The following EP400 variants were observed in gnomAD, a reference collection of about 807,000 sequenced individuals.
EP400 encodes E1A binding protein p400, also known as E1A-binding protein p400.
A neutral mutation model predicts 354.1 loss-of-function variants in EP400; 105 were observed. The observed-to-expected ratio is 0.30, with a 90% CI of 0.25 to 0.35. EP400 has a LOEUF of 0.35. Among genes scored for constraint, EP400 ranks in the 10% least tolerant of loss-of-function variants. The probability of loss-of-function intolerance (pLI) is 1.00; values close to 1 mark genes in which losing one functional copy is unlikely to be tolerated. For missense variants in EP400, 3,280 were observed against 4,121.0 expected, an observed-to-expected ratio of 0.80 and a Z score of 5.59; for synonymous variants, 1,646 against 1,716.9, an observed-to-expected ratio of 0.96 and a Z score of 1.02.
chr12:132,013,585 C>G lies in EP400; in HGVS notation c.3707C>G (p.Pro1236Arg). The change falls in exon 18 of 53, where the codon CCC becomes CGC. Residue 1236 changes from proline to arginine, a missense_variant. Physicochemically the swap from Pro to Arg is moderately radical, Grantham distance 103. This residue lies in a region of EP400 where 242 missense variants were observed against 357.9 expected (regional missense o/e 0.68). Transcript: ENST00000389561. This position sits in a 1 kb window ranked among gnomAD's most constrained non-coding sequence, Gnocchi z 4.5. ...VHFLVPGISR[P>R]YLSSPLRAPS... Reference sequence around the variant, plus strand: ...TTCCTGGTCCCAGGGATCTCCAGGCCCTACCTGAGCTCCCCTCTGAGGGCC... The same window carrying G: ...TTCCTGGTCCCAGGGATCTCCAGGCGCTACCTGAGCTCCCCTCTGAGGGCC... 6.2e-7 allele frequency: 1 copy of G among 1,613,932 alleles called. No homozygotes were observed. The highest frequency in any genetic ancestry group is 2.2e-5 in the East Asian group (1 of 44,884).
chr12:132,022,008 A>T (rs1441876959), intron 23 of EP400, among the ~76,000 whole-genome samples: 1 of 152,228 alleles, frequency 6.6e-6, no homozygotes, highest in Non-Finnish European at 1.5e-5. Context: ...TGTTGTTGGT[A>T]TAGCCAAATT....
chr12:132,003,537 C>T (rs1893487599), intron 12 of EP400, among the ~76,000 whole-genome samples: 1 of 152,098 alleles, frequency 6.6e-6, no homozygotes. Flanking sequence ...TTTTCTAACT[C>T]ATTTCCATAT....
chr12:132,043,686 A>C lies in EP400; in HGVS notation c.6408A>C (p.Leu2136Phe). ...IEKYALNYLE[L>F]FHTSIEQEKE... is the part of the protein sequence containing the mutation. ...AATATGCTTTAAATTACCTGGAATT[A>C]TTCCATACTTCTATTGAGCAAGAAA... Residue 2136 changes from leucine to phenylalanine, a missense_variant, in exon 34 of 53, where the codon TTA (leucine) becomes TTC (phenylalanine). By Grantham distance (22) the Leu-to-Phe change is conservative. This residue lies in a region of EP400 where 231 missense variants were observed against 257.9 expected (regional missense o/e 0.90). Transcript: ENST00000389561. The C allele has an allele frequency of 6.2e-7, 1 of 1,611,858 alleles. No homozygotes were observed. Among genetic ancestry groups the C allele is most frequent in the Non-Finnish European group, 8.5e-7 (1 of 1,179,526 alleles).
rs773202798 is a variant in EP400, at chr12:132,025,551, G to A, written c.4856-95G>A. On this transcript the variant is annotated intron_variant, in intron 24 of 52. Coordinates refer to ENST00000389561, the MANE Select transcript of EP400 (RefSeq NM_015409.5). This position sits in a 1 kb window ranked among gnomAD's most constrained non-coding sequence, Gnocchi z 4.1. ...TTTGTGTAGATTTGATTTTCAGTTT[G>A]TCAACTTATTTTTGTACTGTTTGGA... The A allele has an allele frequency of 9.2e-5, 122 of 1,332,998 alleles. No homozygotes were observed. The highest frequency in any genetic ancestry group is 1.1e-4 in the Non-Finnish European group (111 of 1,005,360). The allele number at this position is 1,332,998 out of a possible 1,614,324, so 82.6% of individuals were successfully genotyped here. A position where few individuals can be genotyped will look rare whatever the true frequency, so the allele number is the denominator to read the frequency against.
intron 32 of EP400, among the ~76,000 whole-genome samples, chr12:132,040,992 C>T (rs1044650532): frequency 1.3e-5 from 2 of 152,084 alleles, no homozygotes; most frequent in East Asian, 1.9e-4. Context: ...AACTGGGGGA[C>T]ATGTGGGGGC....
At chr12:131,992,263 TCCAGGGC>T (rs777477724) in intron 11 of EP400, 33 bp downstream of exon 11, 3 of 1,591,130 alleles carry the variant, frequency 1.9e-6, no homozygotes, top group Non-Finnish European at 1.7e-6. Flanking sequence ...CTTTGTCATC[TCCAGGGC>T]TGCTGATGAG....
At chr12:131,976,978 T>A (rs1353958061) in intron 2 of EP400, among the ~76,000 whole-genome samples, 3 of 152,224 alleles carry the variant, frequency 2.0e-5, no homozygotes, top group Non-Finnish European at 4.4e-5. Context: ...AGACTGGGGC[T>A]GCCCTCATGC....
chr12:132,032,230 G>C, intron 30 of EP400, 81 bp downstream of exon 30: 1 of 1,442,616 alleles, frequency 6.9e-7, no homozygotes, highest in African/African-American at 1.4e-5. Flanking sequence ...ATGGCCGCGT[G>C]GAAATGGAGT....
chr12:132,006,240 G>A lies in EP400; in HGVS notation c.3064G>A (p.Ala1022Thr). The change falls in exon 14 of 53, where the codon GCG (alanine) becomes ACG (threonine). Residue 1022 changes from alanine to threonine, a missense_variant. Physicochemically the swap from Ala to Thr is moderately conservative, Grantham distance 58 (BLOSUM62 0). Around this residue, in one of 20 missense-constraint regions of EP400, gnomAD observed 800 missense variants for 840.0 expected, o/e 0.95. Coordinates refer to ENST00000389561, the MANE Select transcript of EP400 (RefSeq NM_015409.5). ...NIGKPNAKDI[A>T]DVTAVAEAIL... ...CGGGAAGCCAAACGCCAAGGACATT[G>A]CGGACGTCACTGCGGTGGCTGAAGC... is the stretch of plus-strand genomic sequence containing the variant. 6.2e-7 allele frequency: 1 copy of A among 1,614,234 alleles called. No individual in the cohort carries two copies.
At position 132,017,544 on chromosome 12, in the gene EP400, G is replaced by T. The variant is rs750436482; in HGVS notation, c.3933G>T (p.Glu1311Asp). The T allele has an allele frequency of 6.2e-7, 1 of 1,613,864 alleles. No homozygotes were observed. Residue 1311 changes from glutamate (E) to aspartate (D), a missense_variant, in exon 20 of 53, where the codon GAG (glutamate) becomes GAT (aspartate). Glu to Asp is a conservative substitution (Grantham distance 45). This residue lies in a region of EP400 where 242 missense variants were observed against 357.9 expected (regional missense o/e 0.68). Transcript: ENST00000389561. This position sits in a 1 kb window ranked among gnomAD's most constrained non-coding sequence, Gnocchi z 5.0. ...CTTTCTCCACGGGCAGCACTCAGGA[G>T]GCCTTGAAGAGCGGGCACTTTGTCA... ...EDVILQPGTQEALKSGHFVNV... is the reference protein window; with the variant it reads ...EDVILQPGTQDALKSGHFVNV...
intron 39 of EP400, 132 bp downstream of exon 39, chr12:132,046,032 T>A: frequency 8.5e-7 from 1 of 1,175,278 alleles, no homozygotes; most frequent in Admixed American, 2.4e-5. Flanking sequence ...GTGAAGTCCA[T>A]CTCCTTGGGC....
chr12:132,032,704 C>T (rs1894561416), intron 30 of EP400, among the ~76,000 whole-genome samples: 1 of 150,680 alleles, frequency 6.6e-6, no homozygotes, highest in African/African-American at 2.4e-5. Context: ...GATCTTGGCT[C>T]ACCGCGACCT....
rs1895431207 is a variant in EP400 at position 132,054,912 on chromosome 12, G to A, written c.7729-62G>A. On this transcript the variant is annotated intron_variant, in intron 43 of 52. Transcript: ENST00000389561. This position sits in a 1 kb window ranked among gnomAD's most constrained non-coding sequence, Gnocchi z 4.0. ...GATTCTGAATGAAGTGGAAGCCTTT[G>A]GAGGATTTATGCAGGGGAGAGCCTG... 6.5e-7 allele frequency: 1 copy of A among 1,531,720 alleles called. No individual in the cohort carries two copies. 94.9% of individuals were successfully genotyped at this position (1,531,720 alleles called of 1,614,324 possible).
intron 45 of EP400, 30 bp downstream of exon 45, chr12:132,055,238 C>G (rs778431234): frequency 2.7e-6 from 4 of 1,476,974 alleles, no homozygotes; most frequent in Non-Finnish European, 3.6e-6. Context: ...GGTTGTGCAC[C>G]TTGACTGCAT....
intron 2 of EP400, among the ~76,000 whole-genome samples, chr12:131,978,912 A>G (rs1440532130): frequency 6.6e-6 from 1 of 152,180 alleles, no homozygotes; most frequent in Non-Finnish European, 1.5e-5. Context: ...AACTATAAAA[A>G]TATCCTTTTA....
intron 12 of EP400, among the ~76,000 whole-genome samples, chr12:131,998,744 A>G (rs1242003398): frequency 1.3e-4 from 1 of 7,888 alleles, no homozygotes; most frequent in East Asian, 6.7e-3. Context: ...GTATACAAAG[A>G]CTTTGTATAC....
In EP400 at chr12:132,027,217, G is replaced by A. The variant is rs1404447599; in HGVS notation, c.5015-220G>A. On this transcript the variant is annotated intron_variant, in intron 25 of 52. Coordinates refer to ENST00000389561, the MANE Select transcript of EP400 (RefSeq NM_015409.5). This position sits in a 1 kb window ranked among gnomAD's most constrained non-coding sequence, Gnocchi z 4.9. ...ATTCAGCTCCAGTCATGGCCTGCGA[G>A]CCAGCATGCTTCCGTGGCAGGTCTA... Among the ~76,000 whole-genome samples, 1 of 152,222 alleles carries A rather than the reference G, an allele frequency of 6.6e-6. No individual in the cohort carries two copies. Among genetic ancestry groups the A allele is most frequent in the Non-Finnish European group, 1.5e-5 (1 of 68,036 alleles).
In EP400 at chr12:132,067,334, C is replaced by T; in HGVS notation, c.8750-28C>T. 6.2e-7 allele frequency: 1 copy of T among 1,605,958 alleles called. No homozygotes were observed. Among genetic ancestry groups the T allele is most frequent in the Non-Finnish European group, 8.5e-7 (1 of 1,175,092 alleles). On this transcript the variant is annotated intron_variant, in intron 49 of 52. Coordinates refer to ENST00000389561, the MANE Select transcript of EP400 (RefSeq NM_015409.5). This position sits in a 1 kb window ranked among gnomAD's most constrained non-coding sequence, Gnocchi z 5.3. ...AGCCTCAAGCTCTTTTCCCAGTGTG[C>T]TGACTAAGGGGCTTTTGCTGCCTGC...
At position 132,027,346 on chromosome 12, in the gene EP400, T is replaced by C; in HGVS notation, c.5015-91T>C. 3.9e-6 allele frequency: 5 copies of C among 1,280,580 alleles called. No homozygotes were observed. The highest frequency in any genetic ancestry group is 5.6e-6 in the Non-Finnish European group (5 of 885,304). The allele number at this position is 1,280,580 out of a possible 1,614,324, so 79.3% of individuals were successfully genotyped here. On this transcript the variant is annotated intron_variant, in intron 25 of 52. Transcript: ENST00000389561. The surrounding 1 kb of genome is among the most constrained non-coding windows in gnomAD (Gnocchi z 4.9). ...AATGACTTTCTGTGGAGTGTGCTGG[T>C]GGAGGGTGAGGTTCCATGGAGCATG...
Sources: gnomAD v4.1 joint callset for allele counts (sites outside exome capture counted in the v4.1 genomes callset) on GRCh38, gnomAD v4.1.1 for gene constraint, gnomAD v4.1.1 regional missense constraint, Gnocchi (gnomAD v3.1) non-coding constraint, MANE v1.5 for transcripts, NCBI Gene and HGNC (gene_info 2026-07-23, HGNC 2026-07-21) for gene names.